RBFOX1: variants seen among roughly 807,000 people sequenced by gnomAD.
The protein encoded by RBFOX1 is RNA binding fox-1 homolog 1.
A neutral mutation model predicts 57.7 loss-of-function variants in RBFOX1; 8 were observed. The ratio of observed to expected loss-of-function variants is 0.14; its 90% CI spans 0.08 to 0.25. The LOEUF is 0.25. Among genes scored for constraint, RBFOX1 ranks in the 10% least tolerant of loss-of-function variants. The pLI is 1.00. For missense variants in RBFOX1, 611 were observed against 548.5 expected, an observed-to-expected ratio of 1.11 and a Z score of -1.14; for synonymous variants, 326 against 222.4, an observed-to-expected ratio of 1.47 and a Z score of -4.15.
At chr16:7,183,661 G>A (rs1031963887) in intron 4 of RBFOX1, among the ~76,000 whole-genome samples, 2 of 152,168 alleles carry the variant, frequency 1.3e-5, no homozygotes, top group Non-Finnish European at 1.5e-5. Context: ...TGAGAATACA[G>A]AACCAGATGA....
chr16:6,690,685 A>T (rs1233611281), intron 3 of RBFOX1, among the ~76,000 whole-genome samples: 1 of 151,926 alleles, frequency 6.6e-6, no homozygotes, highest in Admixed American at 6.6e-5. Context: ...TACAGTAGGA[A>T]GTGGGTTGAA....
At chr16:7,252,514 T>C (rs1485644156) in intron 4 of RBFOX1, among the ~76,000 whole-genome samples, 1 of 152,170 alleles carries the variant, frequency 6.6e-6, no homozygotes, top group Non-Finnish European at 1.5e-5. Context: ...TCTTTATATT[T>C]CTGGCTTTTC....
At chr16:5,309,243 G>C (rs965334618) in intron 1 of RBFOX1, among the ~76,000 whole-genome samples, 3 of 152,128 alleles carry the variant, frequency 2.0e-5, no homozygotes, top group Non-Finnish European at 2.9e-5. Context: ...AGAAGTCTTA[G>C]TGTTTAAAAG....
intron 3 of RBFOX1, among the ~76,000 whole-genome samples, chr16:6,847,473 G>C (rs981169775): frequency 1.3e-5 from 2 of 152,012 alleles, no homozygotes; most frequent in Non-Finnish European, 2.9e-5. Context: ...CACAGGGGGT[G>C]GGCTGGAATC....
At chr16:6,489,015 C>T (rs62016826) in intron 2 of RBFOX1, among the ~76,000 whole-genome samples, 28,911 of 152,102 alleles carry the variant, frequency 0.19, 2,759 homozygotes, top group Middle Eastern at 0.26. Flanking sequence ...GGTCCTTATT[C>T]CCTTACAGTC....
At chr16:7,428,252 C>T (rs1202347223) in intron 4 of RBFOX1, among the ~76,000 whole-genome samples, 2 of 151,402 alleles carry the variant, frequency 1.3e-5, no homozygotes, top group South Asian at 2.1e-4. Context: ...ATTGGCATAT[C>T]GTCACTGCAG....
intron 3 of RBFOX1, among the ~76,000 whole-genome samples, chr16:5,856,446 C>T (rs181683213): frequency 2.0e-4 from 27 of 137,902 alleles, no homozygotes; most frequent in Admixed American, 1.7e-3. Flanking sequence ...ATTGTCATCA[C>T]AAGACTATGC....
intron 4 of RBFOX1, among the ~76,000 whole-genome samples, chr16:7,121,509 A>G (rs898694653): frequency 1.3e-5 from 2 of 152,080 alleles, no homozygotes; most frequent in Non-Finnish European, 2.9e-5. Context: ...TAAATATAAC[A>G]AACATATAAG....
At chr16:7,017,880 C>T (rs1226583417) in intron 3 of RBFOX1, among the ~76,000 whole-genome samples, 2 of 152,096 alleles carry the variant, frequency 1.3e-5, no homozygotes, top group East Asian at 1.9e-4. Context: ...GTCTTCGAGG[C>T]TTAGCAACAA....
intron 2 of RBFOX1, among the ~76,000 whole-genome samples, chr16:6,397,732 G>C (rs1201446333): frequency 1.3e-5 from 2 of 152,188 alleles, no homozygotes; most frequent in Non-Finnish European, 1.5e-5. Flanking sequence ...AGACACAAAT[G>C]ATGAGAATGT....
At chr16:7,251,891 A>T (rs1224832624) in intron 4 of RBFOX1, among the ~76,000 whole-genome samples, 1 of 152,068 alleles carries the variant, frequency 6.6e-6, no homozygotes, top group Non-Finnish European at 1.5e-5. Flanking sequence ...TCTATTTTTA[A>T]TTTTTTAAGG....
At chr16:7,535,859 G>T (rs1318596873) in intron 5 of RBFOX1, among the ~76,000 whole-genome samples, 1 of 152,214 alleles carries the variant, frequency 6.6e-6, no homozygotes, top group Admixed American at 6.5e-5. Flanking sequence ...TAGGCAAAGT[G>T]CCTGGAACAA....
chr16:7,426,569 C>G (rs765270860), intron 4 of RBFOX1, among the ~76,000 whole-genome samples: 1 of 152,160 alleles, frequency 6.6e-6, no homozygotes, highest in Non-Finnish European at 1.5e-5. Flanking sequence ...GTTCTTCAAA[C>G]CAAATAGATG....
At chr16:6,154,824 G>A (rs191147772) in intron 1 of RBFOX1, among the ~76,000 whole-genome samples, 2 of 152,120 alleles carry the variant, frequency 1.3e-5, no homozygotes, top group African/African-American at 4.8e-5. Context: ...AAAATAGCCT[G>A]TTCATTTGAA....
intron 2 of RBFOX1, among the ~76,000 whole-genome samples, chr16:5,528,569 GCTT>G (rs2044336105): frequency 1.5e-5 from 2 of 135,140 alleles, no homozygotes; most frequent in African/African-American, 2.8e-5. Context: ...TTTTTTTCTG[GCTT>G]CTTCTTGTCC....
At chr16:6,037,589 GTTTTGTTTTATT>G (rs2095382812) in intron 1 of RBFOX1, 1 of 143,772 alleles carries the variant, frequency 7.0e-6, no homozygotes. Flanking sequence ...TTTTTGTTTT[GTTTTGTTTTATT>G]TTTTGTTTTT....
intron 3 of RBFOX1, among the ~76,000 whole-genome samples, chr16:5,729,506 C>G (rs1238397001): frequency 6.7e-6 from 1 of 149,318 alleles, no homozygotes; most frequent in African/African-American, 2.5e-5. Flanking sequence ...AAAATCACAG[C>G]ATGGGGATTC....
intron 2 of RBFOX1, among the ~76,000 whole-genome samples, chr16:6,596,274 T>G (rs2097775905): frequency 6.6e-6 from 1 of 152,216 alleles, no homozygotes; most frequent in African/African-American, 2.4e-5. Flanking sequence ...TGATTCATTT[T>G]GAGTTAAATT....
At chr16:7,446,483 G>T (rs1394322672) in intron 4 of RBFOX1, among the ~76,000 whole-genome samples, 1 of 152,168 alleles carries the variant, frequency 6.6e-6, no homozygotes, top group Non-Finnish European at 1.5e-5. Context: ...GCCTGCCGCT[G>T]AGCTATGTTT....
Sources: gnomAD v4.1 joint callset for allele counts (sites outside exome capture counted in the v4.1 genomes callset) on GRCh38, gnomAD v4.1.1 for gene constraint, MANE v1.5 for transcripts, NCBI Gene and HGNC (gene_info 2026-07-23, HGNC 2026-07-21) for gene names.